Variants in MAP2 observed in about 807,000 individuals in gnomAD.
MAP2 encodes microtubule associated protein 2, also known as microtubule-associated protein 2.
Under a neutral mutation model 137.6 loss-of-function variants are expected in MAP2, and 14 were observed. The observed-to-expected ratio is 0.10, with a 90% CI of 0.07 to 0.16. The LOEUF (loss-of-function observed/expected upper bound fraction) is 0.16. Ranked by LOEUF, MAP2 falls within the 10% of genes least tolerant of loss-of-function variation. The pLI is 1.00. For missense variants in MAP2, 2,088 were observed against 2,191.5 expected (o/e 0.95, Z 0.94); for synonymous variants, 786 against 782.3 (o/e 1.00, Z -0.08).
chr2:209,662,953 GAT>G (rs35579471), intron 5 of MAP2, among the ~76,000 whole-genome samples: 83 of 150,710 alleles, frequency 5.5e-4, no homozygotes, highest in African/African-American at 1.7e-3. Flanking sequence ...TTAAGTGTGA[GAT>G]ATATATATAT....
chr2:209,730,022 C>A, intron 15 of MAP2, 60 bp downstream of exon 15: 1 of 1,323,772 alleles, frequency 7.6e-7, no homozygotes, highest in South Asian at 1.2e-5. Flanking sequence ...CTGAAATACT[C>A]TTCATCAAAA....
chr2:209,474,671 T>C (rs1031063685), intron 1 of MAP2, among the ~76,000 whole-genome samples: 2 of 152,060 alleles, frequency 1.3e-5, no homozygotes, highest in African/African-American at 4.8e-5. Flanking sequence ...TAACAAAGTA[T>C]AACTTTATTA....
chr2:209,545,211 A>G (rs969585132), intron 2 of MAP2, among the ~76,000 whole-genome samples: 8 of 152,054 alleles, frequency 5.3e-5, no homozygotes, highest in African/African-American at 1.9e-4. Context: ...GTTTCCTGTA[A>G]TGTGCTGAAT....
chr2:209,604,221 C>T (rs1393582007), intron 3 of MAP2, among the ~76,000 whole-genome samples: 1 of 152,150 alleles, frequency 6.6e-6, no homozygotes, highest in Non-Finnish European at 1.5e-5. Flanking sequence ...AACTTCAATT[C>T]AGTTTTCCAA....
chr2:209,578,084 G>A (rs991714113), intron 2 of MAP2, among the ~76,000 whole-genome samples: 5 of 152,214 alleles, frequency 3.3e-5, no homozygotes, highest in African/African-American at 7.2e-5. Flanking sequence ...GGGAAAGAAA[G>A]TCACTTGGTG....
intron 2 of MAP2, among the ~76,000 whole-genome samples, chr2:209,570,314 G>C (rs2074182030): frequency 6.6e-6 from 1 of 151,690 alleles, no homozygotes; most frequent in Admixed American, 6.6e-5. Flanking sequence ...TAAGTGTTAG[G>C]CTGAATTACA....
At chr2:209,665,101 G>T (rs2045705646) in intron 5 of MAP2, among the ~76,000 whole-genome samples, 1 of 151,986 alleles carries the variant, frequency 6.6e-6, no homozygotes, top group African/African-American at 2.4e-5. Flanking sequence ...AAAGAAATTA[G>T]GTAGGAACTC....
intron 3 of MAP2, among the ~76,000 whole-genome samples, chr2:209,623,833 A>C (rs1288231449): frequency 6.6e-6 from 1 of 152,178 alleles, no homozygotes; most frequent in East Asian, 1.9e-4. Flanking sequence ...ATTACAGGGA[A>C]TGGAGAATTC....
At chr2:209,581,349 C>T (rs1000810730) in intron 3 of MAP2, among the ~76,000 whole-genome samples, 2 of 152,134 alleles carry the variant, frequency 1.3e-5, no homozygotes, top group South Asian at 2.1e-4. Flanking sequence ...AGAATGAATT[C>T]GTTAAAATAA....
chr2:209,459,806 A>G (rs2149575296), intron 1 of MAP2, among the ~76,000 whole-genome samples: 1 of 152,278 alleles, frequency 6.6e-6, no homozygotes, highest in Admixed American at 6.5e-5. Flanking sequence ...TCATGCCTGC[A>G]GGACTGTGCT....
intron 2 of MAP2, among the ~76,000 whole-genome samples, chr2:209,552,584 C>T (rs2069437219): frequency 1.3e-5 from 2 of 152,040 alleles, no homozygotes; most frequent in Admixed American, 6.5e-5. Context: ...ACTTACTGGC[C>T]GGGTGGAGTG....
At chr2:209,708,974 C>G (rs1273434366) in intron 12 of MAP2, among the ~76,000 whole-genome samples, 2 of 152,072 alleles carry the variant, frequency 1.3e-5, no homozygotes, top group Non-Finnish European at 1.5e-5. Context: ...TAAGGTGTTG[C>G]ATTCTTATTT....
At chr2:209,520,853 AT>A (rs2063172123) in intron 2 of MAP2, among the ~76,000 whole-genome samples, 1 of 152,038 alleles carries the variant, frequency 6.6e-6, no homozygotes, top group Admixed American at 6.6e-5. Flanking sequence ...AATTTGACTT[AT>A]TTTTAGCCTC....
chr2:209,533,294 A>C (rs1225554788), intron 2 of MAP2, among the ~76,000 whole-genome samples: 3 of 151,906 alleles, frequency 2.0e-5, no homozygotes, highest in African/African-American at 4.8e-5. Flanking sequence ...ACAGGCACCC[A>C]CCACCACATC....
At chr2:209,646,665 TTAGA>T (rs2094440835) in intron 4 of MAP2, among the ~76,000 whole-genome samples, 1 of 152,212 alleles carries the variant, frequency 6.6e-6, no homozygotes, top group Admixed American at 6.5e-5. Flanking sequence ...AATTATCATA[TTAGA>T]TAGTTTCTAT....
At chr2:209,713,355 T>C (rs2066184416) in intron 13 of MAP2, among the ~76,000 whole-genome samples, 1 of 152,190 alleles carries the variant, frequency 6.6e-6, no homozygotes, top group Non-Finnish European at 1.5e-5. Context: ...CTATCTCTTC[T>C]GTTAAGGTCC....
intron 3 of MAP2, among the ~76,000 whole-genome samples, chr2:209,589,584 T>C (rs748926714): frequency 6.6e-6 from 1 of 152,214 alleles, no homozygotes; most frequent in Non-Finnish European, 1.5e-5. Context: ...GGCATGGATT[T>C]ATGTAAATAC....
intron 7 of MAP2, among the ~76,000 whole-genome samples, chr2:209,685,128 G>A (rs1230902790): frequency 6.6e-6 from 1 of 152,076 alleles, no homozygotes. Context: ...GGCTTATCCA[G>A]AATGCAAATC....
At chr2:209,605,420 T>C (rs543330913) in intron 3 of MAP2, among the ~76,000 whole-genome samples, 23 of 152,180 alleles carry the variant, frequency 1.5e-4, no homozygotes, top group Non-Finnish European at 2.9e-4. Flanking sequence ...GGAGGCAATG[T>C]TTAGTTTGAA....
Sources: gnomAD v4.1 joint callset for allele counts (sites outside exome capture counted in the v4.1 genomes callset) on GRCh38, gnomAD v4.1.1 for gene constraint, MANE v1.5 for transcripts, NCBI Gene and HGNC (gene_info 2026-07-23, HGNC 2026-07-21) for gene names.